Variants in XPNPEP3 observed in about 807,000 individuals in gnomAD.
XPNPEP3 encodes X-prolyl aminopeptidase 3, also known as xaa-Pro aminopeptidase 3.
In XPNPEP3, 41 loss-of-function variants were observed where a neutral mutation model predicts 60.0. The observed-to-expected ratio is 0.68, with a 90% CI of 0.53 to 0.89. The LOEUF is 0.89. Ranked by LOEUF, XPNPEP3 falls within the 40% of genes least tolerant of loss-of-function variation. The pLI, the probability that XPNPEP3 is intolerant of heterozygous loss-of-function variation, is 0.00. For synonymous variants in XPNPEP3, 212 were observed against 223.2 expected (o/e 0.95, Z 0.45); for missense variants, 598 against 638.9 (o/e 0.94, Z 0.69).
intron 2 of XPNPEP3, among the ~76,000 whole-genome samples, chr22:40,871,433 A>G (rs1001777671): frequency 1.3e-5 from 2 of 152,218 alleles, no homozygotes; most frequent in African/African-American, 4.8e-5. Flanking sequence ...TGGTTTCTCC[A>G]AAAGGTTTCA....
Position 40,918,692 on chromosome 22 carries a change from AAGTT to A in XPNPEP3, c.1056-3638_1056-3635del, listed in dbSNP as rs563821083. On this transcript the variant is annotated intron_variant, in intron 7 of 9. Coordinates refer to ENST00000357137, the MANE Select transcript of XPNPEP3 (RefSeq NM_022098.4). The stretch of plus-strand genomic sequence containing the variant: ...GAACGAGACTCCATCTCAAAAAAAA[AAGTT>A]AGGACGAGGGATATTTGTTGGTAAG... Among the ~76,000 whole-genome samples, 55 of 152,090 alleles carry A rather than the reference AAGTT, an allele frequency of 3.6e-4. No homozygotes were observed. In the South Asian group the frequency reaches 5.0e-3, roughly 14 times the overall value.
At chr22:40,882,239 G>A in intron 3 of XPNPEP3, 62 bp downstream of exon 3, 2 of 1,570,356 alleles carry the variant, frequency 1.3e-6, no homozygotes, top group East Asian at 2.2e-5. Flanking sequence ...TTTCTTGCCT[G>A]TTTAGACAAG....
At chr22:40,912,661 G>A (rs1286644671) in intron 6 of XPNPEP3, among the ~76,000 whole-genome samples, 4 of 152,048 alleles carry the variant, frequency 2.6e-5, no homozygotes, top group African/African-American at 9.7e-5. Flanking sequence ...TTGAAGCCAG[G>A]GAGTTCAAGA....
chr22:40,865,997 T>C (rs1451332981), intron 1 of XPNPEP3, among the ~76,000 whole-genome samples: 3 of 152,190 alleles, frequency 2.0e-5, no homozygotes, highest in Non-Finnish European at 4.4e-5. Context: ...ATATCTAGCC[T>C]AGCACTTTTC....
chr22:40,908,456 T>C (rs1424008783), intron 5 of XPNPEP3, among the ~76,000 whole-genome samples: 3 of 152,188 alleles, frequency 2.0e-5, no homozygotes, highest in East Asian at 1.9e-4. Context: ...AGGTTCAGGC[T>C]ATAGTGAACT....
chr22:40,914,289 G>T lies in XPNPEP3; in HGVS notation c.1020G>T (p.Val340=). 6.2e-7 allele frequency: 1 copy of T among 1,614,114 alleles called. No individual in the cohort carries two copies. Among genetic ancestry groups the T allele is most frequent in the Non-Finnish European group, 8.5e-7 (1 of 1,180,014 alleles). ...GAGGTTGTGAGTCTTCCTGCTATGT[G>T]AGTGACATCACACGTACGTGGCCAG... ...LDGGCESSCY[V]SDITRTWPVN... The change falls in exon 7 of 10, where the codon GTG becomes GTT. Residue 340 remains valine (V), a synonymous_variant. Coordinates refer to ENST00000357137, the MANE Select transcript of XPNPEP3 (RefSeq NM_022098.4).
intron 4 of XPNPEP3, among the ~76,000 whole-genome samples, chr22:40,900,555 G>T (rs6002191): frequency 6.6e-6 from 1 of 151,392 alleles, no homozygotes; most frequent in Non-Finnish European, 1.5e-5. Context: ...GTCATGAACC[G>T]AGATCGCACC....
chr22:40,899,814 T>C (rs2058124410), intron 4 of XPNPEP3, among the ~76,000 whole-genome samples: 2 of 104,608 alleles, frequency 1.9e-5, no homozygotes, highest in East Asian at 3.4e-4. Flanking sequence ...CGAGACTCTA[T>C]CTCAAAAAAA....
intron 2 of XPNPEP3, among the ~76,000 whole-genome samples, chr22:40,881,084 C>T (rs1335365946): frequency 1.3e-5 from 2 of 151,834 alleles, no homozygotes; most frequent in South Asian, 4.2e-4. Flanking sequence ...CTTGCTTTGT[C>T]GCGTAGACTG....
chr22:40,910,343 C>T (rs1276850112), intron 6 of XPNPEP3, among the ~76,000 whole-genome samples: 1 of 152,070 alleles, frequency 6.6e-6, no homozygotes, highest in Non-Finnish European at 1.5e-5. Context: ...TAATTAGCTA[C>T]TGCTTGTTTA....
At position 40,932,542 on chromosome 22, in the gene XPNPEP3, G is replaced by A. The variant is rs1436410092; in HGVS notation, c.*6107G>A. 1.3e-5 allele frequency: 2 copies of A among 152,082 alleles called. No individual in the cohort carries two copies. The highest frequency in any genetic ancestry group is 2.9e-5 in the Non-Finnish European group (2 of 68,034). The allele number at this position is 152,082 out of a possible 1,614,324, so 9.4% of individuals were successfully genotyped here. ...GGTTGTGCTGCTGTTCTCTACCTGT[G>A]TGTCACTGAGTTTGAGCATCATTAT... On this transcript the variant is annotated 3_prime_UTR_variant, in exon 10 of 10. Coordinates refer to ENST00000357137, the MANE Select transcript of XPNPEP3 (RefSeq NM_022098.4).
intron 4 of XPNPEP3, among the ~76,000 whole-genome samples, chr22:40,898,950 G>C (rs2058120512): frequency 6.6e-6 from 1 of 152,190 alleles, no homozygotes; most frequent in African/African-American, 2.4e-5. Context: ...AGATACATAT[G>C]ATAGGCCCCT....
chr22:40,905,641 G>C (rs2058151833), intron 4 of XPNPEP3, among the ~76,000 whole-genome samples: 1 of 152,150 alleles, frequency 6.6e-6, no homozygotes, highest in African/African-American at 2.4e-5. Flanking sequence ...TGGGATAGTC[G>C]GGAAGGGCCT....
In XPNPEP3 at chr22:40,869,087, C is replaced by G. The variant is rs1276915482; in HGVS notation, c.153C>G (p.Pro51=). The change falls in exon 2 of 10, where the codon CCC becomes CCG. Residue 51 remains proline (P), a synonymous_variant. Coordinates refer to ENST00000357137, the MANE Select transcript of XPNPEP3 (RefSeq NM_022098.4). ...ACCGATACTTAGGCCAGCCCAGCCC[C>G]TTTACACACCCACACCTCCTCAGAC... ...IPNRYLGQPS[P]FTHPHLLRPG... 1 of 1,614,086 alleles carries G rather than the reference C, an allele frequency of 6.2e-7. No individual in the cohort carries two copies.
chr22:40,922,483 G>A lies in XPNPEP3; in HGVS notation c.1206G>A (p.Met402Ile). ...IGQKLKDLGI[M>I]KNIKENNAFK... ...AGAAGCTTAAAGACTTGGGGATCAT[G>A]AAGAACATTAAGGAAAATAATGCCT... Residue 402 changes from methionine (M) to isoleucine (I), a missense_variant, in exon 8 of 10, where the codon ATG becomes ATA. By Grantham distance (10) the Met-to-Ile change is conservative (BLOSUM62 1). Transcript: ENST00000357137. The A allele has an allele frequency of 6.2e-7, 1 of 1,614,024 alleles. No individual in the cohort carries two copies. Among genetic ancestry groups the A allele is most frequent in the East Asian group, 2.2e-5 (1 of 44,874 alleles).
intron 2 of XPNPEP3, among the ~76,000 whole-genome samples, chr22:40,877,900 C>CT (rs1177521708): frequency 6.6e-6 from 1 of 152,058 alleles, no homozygotes; most frequent in Non-Finnish European, 1.5e-5. Context: ...GGAAAGGTTT[C>CT]TTTTTTCTTG....
At chr22:40,903,554 G>A (rs185482443) in intron 4 of XPNPEP3, among the ~76,000 whole-genome samples, 1 of 151,152 alleles carries the variant, frequency 6.6e-6, no homozygotes, top group South Asian at 2.1e-4. Context: ...GCAGTGGTGC[G>A]ATCTAGGCTC....
intron 1 of XPNPEP3, chr22:40,862,536 A>G: frequency 2.0e-6 from 2 of 985,578 alleles, no homozygotes; most frequent in Non-Finnish European, 1.2e-6. Context: ...GATACAAACA[A>G]GTAACTTAGT....
At chr22:40,886,553 C>T (rs779168872) in intron 4 of XPNPEP3, 38 bp downstream of exon 4, 18 of 1,595,884 alleles carry the variant, frequency 1.1e-5, no homozygotes, top group African/African-American at 5.4e-5. Flanking sequence ...CAGCCGGGCG[C>T]GGTGGCTCAC....
Sources: gnomAD v4.1 joint callset for allele counts (sites outside exome capture counted in the v4.1 genomes callset) on GRCh38, gnomAD v4.1.1 for gene constraint, MANE v1.5 for transcripts, NCBI Gene and HGNC (gene_info 2026-07-23, HGNC 2026-07-21) for gene names.